The following TBCK variants were observed in gnomAD, a reference collection of about 807,000 sequenced individuals.
TBCK encodes the protein TBC1 domain containing kinase.
TBCK carries 99 observed loss-of-function variants against 113.4 expected under a neutral mutation model. That is an observed-to-expected ratio of 0.87 (90% CI 0.74 to 1.03). The LOEUF is 1.03. Ranked by LOEUF, TBCK falls within the 50% of genes least tolerant of loss-of-function variation. TBCK has a pLI of 0.00. For synonymous variants in TBCK, 369 were observed against 370.8 expected (o/e 1.00, Z 0.05); for missense variants, 1,045 against 1,061.3 (o/e 0.98, Z 0.21).
chr4:106,160,793 T>A (rs750156456), intron 23 of TBCK, among the ~76,000 whole-genome samples: 2 of 152,004 alleles, frequency 1.3e-5, no homozygotes, highest in Non-Finnish European at 2.9e-5. Flanking sequence ...GAAACCAGAA[T>A]CTTGAAGAGA....
intron 24 of TBCK, among the ~76,000 whole-genome samples, chr4:106,100,887 G>A (rs1327562053): frequency 6.6e-6 from 1 of 151,978 alleles, no homozygotes; most frequent in Non-Finnish European, 1.5e-5. Flanking sequence ...CCTTCTCTGG[G>A]CCTCAAACAA....
intron 23 of TBCK, among the ~76,000 whole-genome samples, chr4:106,143,913 T>TAAA (rs561608123): frequency 8.7e-6 from 1 of 114,510 alleles, no homozygotes. Flanking sequence ...AAACTCTGTC[T>TAAA]AAAAAAAAAA....
intron 23 of TBCK, among the ~76,000 whole-genome samples, chr4:106,145,177 G>C (rs975438474): frequency 6.6e-6 from 1 of 152,016 alleles, no homozygotes; most frequent in African/African-American, 2.4e-5. Flanking sequence ...AATTAGCTGG[G>C]AGTGGTCGCG....
chr4:106,201,140 A>G (rs1754843493), intron 20 of TBCK, among the ~76,000 whole-genome samples: 1 of 152,036 alleles, frequency 6.6e-6, no homozygotes, highest in African/African-American at 2.4e-5. Context: ...CTTTAATATA[A>G]CATATAACAG....
intron 25 of TBCK, among the ~76,000 whole-genome samples, chr4:106,086,943 A>C (rs967314038): frequency 6.6e-6 from 1 of 152,168 alleles, no homozygotes; most frequent in African/African-American, 2.4e-5. Flanking sequence ...CAAAATAATA[A>C]GAGTTATTTA....
At chr4:106,313,459 TCA>T (rs1768406393) in intron 1 of TBCK, among the ~76,000 whole-genome samples, 1 of 152,182 alleles carries the variant, frequency 6.6e-6, no homozygotes, top group Non-Finnish European at 1.5e-5. Flanking sequence ...AGCCAAATTA[TCA>T]GTCATAAGAG....
rs543209112 is a variant in TBCK at position 106,241,487 on chromosome 4, C to G, written c.1170+983G>C. On this transcript the variant is annotated intron_variant, in intron 12 of 25. Coordinates refer to ENST00000394708, the MANE Select transcript of TBCK (RefSeq NM_001163435.3). The stretch of plus-strand genomic sequence containing the variant: ...CTGAAGGTCTTCCCTTGCTAGATAT[C>G]AACAGTTCACATAAAACTACAGATT... 3.8e-4 allele frequency among the ~76,000 whole-genome samples: 57 copies of G among 151,990 alleles called. 1 individual carries two copies. Among genetic ancestry groups the G allele is most frequent in the South Asian group, 1.0e-3 (5 of 4,820 alleles).
At chr4:106,314,436 T>C (rs1768529573) in intron 1 of TBCK, among the ~76,000 whole-genome samples, 1 of 152,096 alleles carries the variant, frequency 6.6e-6, no homozygotes, top group African/African-American at 2.4e-5. Context: ...GAATTAGCAG[T>C]TCAACTTAGG....
In TBCK at chr4:106,247,227, G is replaced by C; in HGVS notation, c.843C>G (p.Thr281=). The change falls in exon 10 of 26, where the codon ACC becomes ACG. Residue 281 remains threonine, a synonymous_variant. Coordinates refer to ENST00000394708, the MANE Select transcript of TBCK (RefSeq NM_001163435.3). ...KVFSEVSPLY[T]PFTKPASLFS... ...ACAGACTGGCAGGTTTGGTAAAGGG[G>C]GTATATAAAGGTGATACCTCACTGA... 6.2e-7 allele frequency: 1 copy of C among 1,612,806 alleles called. No homozygotes were observed. Among genetic ancestry groups the C allele is most frequent in the Non-Finnish European group, 8.5e-7 (1 of 1,179,214 alleles).
intron 25 of TBCK, among the ~76,000 whole-genome samples, chr4:106,055,237 G>A (rs1419650698): frequency 1.3e-5 from 2 of 151,028 alleles, no homozygotes; most frequent in Admixed American, 6.6e-5. Flanking sequence ...AAGAAGCCCC[G>A]TGCTTTCTTA....
intron 25 of TBCK, among the ~76,000 whole-genome samples, chr4:106,069,733 G>A (rs1737136918): frequency 6.6e-6 from 1 of 152,168 alleles, no homozygotes; most frequent in Non-Finnish European, 1.5e-5. Context: ...ATTACCCTGG[G>A]CAGTATGGCC....
intron 23 of TBCK, among the ~76,000 whole-genome samples, chr4:106,164,989 A>C (rs900455251): frequency 6.9e-6 from 1 of 145,124 alleles, no homozygotes; most frequent in African/African-American, 2.6e-5. Context: ...TAAATAAAAA[A>C]ATTAATTTAA....
intron 3 of TBCK, among the ~76,000 whole-genome samples, chr4:106,280,086 C>T (rs867735978): frequency 2.0e-5 from 3 of 152,074 alleles, no homozygotes; most frequent in Non-Finnish European, 4.4e-5. Context: ...CACACCCTTG[C>T]CAACATTTAT....
At chr4:106,290,489 C>A (rs1765592142) in intron 3 of TBCK, among the ~76,000 whole-genome samples, 2 of 152,022 alleles carry the variant, frequency 1.3e-5, no homozygotes, top group Non-Finnish European at 2.9e-5. Context: ...ATAATATATT[C>A]TTTTAAATAA....
chr4:106,174,614 G>A (rs1332700356), intron 22 of TBCK, among the ~76,000 whole-genome samples: 3 of 151,998 alleles, frequency 2.0e-5, no homozygotes, highest in Non-Finnish European at 4.4e-5. Flanking sequence ...TAGTCCTTCA[G>A]TTACACAAAA....
Position 106,251,969 on chromosome 4 carries a change from C to T in TBCK, c.494G>A (p.Gly165Glu), listed in dbSNP as rs938229993. ...SYLAPEVIAQ[G>E]IFKTTDHMPS... The stretch of plus-strand genomic sequence containing the variant: ...CATGTGATCAGTGGTTTTGAAAATT[C>T]CCTGTGCAATTACCTCAGGGGCCAA... The change falls in exon 6 of 26, where the codon GGA becomes GAA. Residue 165 changes from glycine (G) to glutamate (E), a missense_variant. Transcript: ENST00000394708. The T allele has an allele frequency of 8.1e-6, 13 of 1,611,240 alleles. No individual in the cohort carries two copies. Among genetic ancestry groups the T allele is most frequent in the Non-Finnish European group, 1.1e-5 (13 of 1,178,350 alleles).
intron 19 of TBCK, 66 bp from the exon 20 acceptor site, chr4:106,212,901 T>C: frequency 1.0e-6 from 1 of 989,002 alleles, no homozygotes; most frequent in Non-Finnish European, 1.6e-6. Flanking sequence ...TATATTCAAA[T>C]ATAGTTTTAT....
At chr4:106,155,549 C>T (rs909027616) in intron 23 of TBCK, among the ~76,000 whole-genome samples, 1 of 152,028 alleles carries the variant, frequency 6.6e-6, no homozygotes. Flanking sequence ...TTCCTAGACC[C>T]TATAGGTATG....
intron 20 of TBCK, among the ~76,000 whole-genome samples, chr4:106,212,093 T>C (rs1756208559): frequency 6.6e-6 from 1 of 152,146 alleles, no homozygotes; most frequent in South Asian, 2.1e-4. Flanking sequence ...ACGCTACCAC[T>C]TGCATCCCCA....
Sources: allele counts gnomAD v4.1 joint callset (sites outside exome capture counted in the v4.1 genomes callset), GRCh38; gene constraint gnomAD v4.1.1; transcripts MANE v1.5; gene names NCBI Gene and HGNC (gene_info 2026-07-23, HGNC 2026-07-21).